Variants in DLG5 observed in about 807,000 individuals in gnomAD.
DLG5 encodes discs large MAGUK scaffold protein 5.
In DLG5, 48 loss-of-function variants were observed where a neutral mutation model predicts 189.8. The observed-to-expected ratio is 0.25, with a 90% CI of 0.20 to 0.32. The LOEUF (loss-of-function observed/expected upper bound fraction) is 0.32, where lower values mean the gene tolerates loss of function less well. DLG5 is among the 10% of genes least tolerant of loss of function. The probability of loss-of-function intolerance (pLI) is 1.00; values close to 1 mark genes in which losing one functional copy is unlikely to be tolerated. For synonymous variants in DLG5, 1,016 were observed against 1,054.1 expected (o/e 0.96, Z 0.70); for missense variants, 2,160 against 2,544.7 (o/e 0.85, Z 3.25).
Position 77,861,072 on chromosome 10 carries a change from C to T in DLG5, c.374-4180G>A, listed in dbSNP as rs146040679. On this transcript the variant is annotated intron_variant, in intron 2 of 31. Transcript: ENST00000372391. ...GCATTTTGTTACACAGGCTGTTTAA[C>T]ATCCAGCTTCACAGAGACAGCTGGA... 1.4e-3 allele frequency among the ~76,000 whole-genome samples: 214 copies of T among 152,262 alleles called. 1 individual carries two copies. The highest frequency in any genetic ancestry group is 6.8e-3 in the Middle Eastern group (2 of 294).
chr10:77,919,499 G>GA (rs570632429), intron 1 of DLG5, among the ~76,000 whole-genome samples: 120 of 119,538 alleles, frequency 1.0e-3, no homozygotes, highest in Admixed American at 1.6e-3. Flanking sequence ...TGAACTGGGG[G>GA]AAAAAAAAAA....
chr10:77,830,589 G>C, intron 10 of DLG5, 152 bp downstream of exon 10: 1 of 1,334,406 alleles, frequency 7.5e-7, no homozygotes, highest in Non-Finnish European at 1.0e-6. Context: ...ACCCAGCCTG[G>C]ACAGCTGCTG....
intron 1 of DLG5, among the ~76,000 whole-genome samples, chr10:77,922,328 G>GA (rs1846559270): frequency 6.6e-6 from 1 of 152,076 alleles, no homozygotes. Flanking sequence ...AAATCAAAGG[G>GA]AAAAAACAAA....
chr10:77,925,842 T>C (rs1846670378), intron 1 of DLG5, among the ~76,000 whole-genome samples: 1 of 152,140 alleles, frequency 6.6e-6, no homozygotes, highest in Middle Eastern at 3.2e-3. Flanking sequence ...TTCTGGACGG[T>C]ACCCTTGGTT....
At chr10:77,906,176 G>C (rs960937543) in intron 1 of DLG5, among the ~76,000 whole-genome samples, 1 of 152,212 alleles carries the variant, frequency 6.6e-6, no homozygotes, top group African/African-American at 2.4e-5. Context: ...AGGGGCTTCT[G>C]GGTCAGGGCT....
chr10:77,877,840 G>A (rs1016435216), intron 1 of DLG5, among the ~76,000 whole-genome samples: 9 of 145,102 alleles, frequency 6.2e-5, no homozygotes, highest in Non-Finnish European at 1.1e-4. Flanking sequence ...CCCACAAGGC[G>A]AGGTGTGAAG....
At chr10:77,842,561 AT>A (rs1843475517) in intron 6 of DLG5, among the ~76,000 whole-genome samples, 1 of 152,248 alleles carries the variant, frequency 6.6e-6, no homozygotes, top group South Asian at 2.1e-4. Context: ...AAACCGCCTC[AT>A]TTCACAGATA....
rs769276771 is a variant in DLG5, at chr10:77,843,548, C to G, written c.1023G>C (p.Leu341=). Residue 341 remains leucine (L), a synonymous_variant, in exon 6 of 32, where the codon CTG becomes CTC. Transcript: ENST00000372391. ...TCAGCAACCGCTGGTTCTCCTCCCCCAGCTGCTCCAGGCGGCTCAGGTCTG... is the reference window on the plus strand; with the variant it reads ...TCAGCAACCGCTGGTTCTCCTCCCCGAGCTGCTCCAGGCGGCTCAGGTCTG... ...HNADLSRLEQ[L]GEENQRLLKQ... The G allele has an allele frequency of 1.3e-5, 21 of 1,614,202 alleles. No individual in the cohort carries two copies. The highest frequency in any genetic ancestry group is 1.8e-5 in the Non-Finnish European group (21 of 1,180,042).
At chr10:77,793,669 T>C in intron 31 of DLG5, 1 of 292,118 alleles carries the variant, frequency 3.4e-6, no homozygotes, top group Non-Finnish European at 6.4e-6. Context: ...GCTGGCACAC[T>C]GGGGGCTGCT....
intron 1 of DLG5, among the ~76,000 whole-genome samples, chr10:77,892,982 G>C (rs1845654279): frequency 6.6e-6 from 1 of 152,264 alleles, no homozygotes; most frequent in African/African-American, 2.4e-5. Flanking sequence ...GGCAAGGCCA[G>C]TATGCTGTGT....
At chr10:77,938,198 C>G in the DLG5 span, among the ~76,000 whole-genome samples, 2 of 151,942 alleles carry the variant, frequency 1.3e-5, no homozygotes, top group Admixed American at 6.6e-5. Context: ...AATCGCAACA[C>G]TTTGGGGGGC....
At chr10:77,892,081 C>A (rs1445493223) in intron 1 of DLG5, among the ~76,000 whole-genome samples, 1 of 152,238 alleles carries the variant, frequency 6.6e-6, no homozygotes, top group African/African-American at 2.4e-5. Context: ...GACACACCCA[C>A]AGGCCAAACA....
intron 2 of DLG5, among the ~76,000 whole-genome samples, chr10:77,865,297 A>T (rs1437960381): frequency 6.6e-6 from 1 of 152,092 alleles, no homozygotes; most frequent in Non-Finnish European, 1.5e-5. Flanking sequence ...CCCCTGACCC[A>T]AAAGTCTGGG....
At chr10:77,924,569 A>G (rs1044951577) in intron 1 of DLG5, among the ~76,000 whole-genome samples, 10 of 152,372 alleles carry the variant, frequency 6.6e-5, no homozygotes, top group African/African-American at 2.4e-4. Context: ...GAGATAGATT[A>G]GATAGATACA....
intron 24 of DLG5, 52 bp downstream of exon 24, chr10:77,809,495 C>G: frequency 6.5e-7 from 1 of 1,541,890 alleles, no homozygotes; most frequent in Non-Finnish European, 8.8e-7. Context: ...TGGCAGCAAG[C>G]CCACTGTGCA....
intron 13 of DLG5, among the ~76,000 whole-genome samples, chr10:77,828,442 G>A (rs938202275): frequency 7.1e-6 from 1 of 140,416 alleles, no homozygotes; most frequent in African/African-American, 2.8e-5. Flanking sequence ...AGCCGGGATT[G>A]CGCCACTGCG....
At chr10:77,813,187 C>T (rs1429668851) in intron 20 of DLG5, among the ~76,000 whole-genome samples, 1 of 152,248 alleles carries the variant, frequency 6.6e-6, no homozygotes, top group African/African-American at 2.4e-5. Context: ...CTTCACGCCA[C>T]TCAGGGCTTC....
At position 77,853,384 on chromosome 10, in the gene DLG5, C is replaced by T. The variant is rs940780413; in HGVS notation, c.834G>A (p.Glu278=). Residue 278 remains glutamate (E), a synonymous_variant, in exon 5 of 32, where the codon GAG becomes GAA. Coordinates refer to ENST00000372391, the MANE Select transcript of DLG5 (RefSeq NM_004747.4). ...GCTGCTGGGCACGGAGGTCACCGATCTCCTTCTGGTCCTCCTCGTGGAGCC... is the reference window on the plus strand; with the variant it reads ...GCTGCTGGGCACGGAGGTCACCGATTTCCTTCTGGTCCTCCTCGTGGAGCC... ...MKRLHEEDQK[E]IGDLRAQQQQ... is the part of the protein sequence containing the mutation. The T allele has an allele frequency of 3.1e-6, 5 of 1,592,394 alleles. No individual in the cohort carries two copies. Among genetic ancestry groups the T allele is most frequent in the Admixed American group, 3.4e-5 (2 of 57,982 alleles).
chr10:77,908,613 T>C (rs1480529015), intron 1 of DLG5, among the ~76,000 whole-genome samples: 2 of 152,214 alleles, frequency 1.3e-5, no homozygotes, highest in Admixed American at 1.3e-4. Context: ...AGTCCTGCTC[T>C]GTGCTCTCCC....
Sources: gnomAD v4.1 joint callset for allele counts (sites outside exome capture counted in the v4.1 genomes callset) on GRCh38, gnomAD v4.1.1 for gene constraint, MANE v1.5 for transcripts, NCBI Gene and HGNC (gene_info 2026-07-23, HGNC 2026-07-21) for gene names.